HFM1: variants seen among roughly 807,000 people sequenced by gnomAD.
HFM1 encodes the protein helicase for meiosis 1, also known as probable ATP-dependent DNA helicase HFM1.
HFM1 carries 169 observed loss-of-function variants against 192.1 expected under a neutral mutation model. The observed-to-expected ratio is 0.88, with a 90% CI of 0.78 to 1.00. The LOEUF is 1.00. Among genes scored for constraint, HFM1 ranks in the 50% least tolerant of loss-of-function variants. HFM1 has a pLI of 0.00. For synonymous variants in HFM1, 525 were observed against 537.8 expected, an observed-to-expected ratio of 0.98 and a Z score of 0.33; for missense variants, 1,661 against 1,668.0, an observed-to-expected ratio of 1.00 and a Z score of 0.07.
chr1:91,355,456 C>A (rs568270887), intron 13 of HFM1, among the ~76,000 whole-genome samples: 7 of 149,664 alleles, frequency 4.7e-5, no homozygotes. Context: ...CAAGATCCAA[C>A]TACATGCTGC....
intron 20 of HFM1, among the ~76,000 whole-genome samples, chr1:91,340,379 A>C (rs575202758): frequency 6.6e-6 from 1 of 152,330 alleles, no homozygotes; most frequent in South Asian, 2.1e-4. Flanking sequence ...TTCATCAATG[A>C]AGGAGAAACA....
chr1:91,397,128 G>A (rs1352637708), intron 2 of HFM1, among the ~76,000 whole-genome samples: 1 of 152,192 alleles, frequency 6.6e-6, no homozygotes, highest in African/African-American at 2.4e-5. Context: ...TGCCAAGAAG[G>A]TTGGGGACCG....
chr1:91,334,065 C>A (rs147952315), intron 20 of HFM1, among the ~76,000 whole-genome samples: 245 of 152,150 alleles, frequency 1.6e-3, no homozygotes, highest in South Asian at 7.3e-3. Flanking sequence ...GGAAATAATG[C>A]CATTATGACG....
intron 29 of HFM1, 56 bp from the exon 30 acceptor site, chr1:91,313,551 G>A: frequency 3.3e-6 from 4 of 1,207,684 alleles, no homozygotes; most frequent in Non-Finnish European, 4.6e-6. Context: ...ATCCACATAT[G>A]AGAACACTTA....
At chr1:91,370,857 A>T (rs1660090916) in intron 13 of HFM1, among the ~76,000 whole-genome samples, 1 of 152,230 alleles carries the variant, frequency 6.6e-6, no homozygotes, top group Admixed American at 6.5e-5. Flanking sequence ...TTCCCAGCGC[A>T]AAATCTCCTT....
At chr1:91,264,034 CAA>C (rs1665433039) in intron 36 of HFM1, among the ~76,000 whole-genome samples, 1 of 152,104 alleles carries the variant, frequency 6.6e-6, no homozygotes, top group Non-Finnish European at 1.5e-5. Context: ...CTATGTCACT[CAA>C]GAGTTACAAC....
chr1:91,285,347 T>C (rs1667858931), intron 30 of HFM1, among the ~76,000 whole-genome samples: 1 of 152,210 alleles, frequency 6.6e-6, no homozygotes, highest in Non-Finnish European at 1.5e-5. Context: ...TTGAAACATT[T>C]GTTCAACTTG....
At chr1:91,367,213 C>A (rs1437509461) in intron 13 of HFM1, among the ~76,000 whole-genome samples, 1 of 152,176 alleles carries the variant, frequency 6.6e-6, no homozygotes, top group Non-Finnish European at 1.5e-5. Flanking sequence ...GCAGCAGAAA[C>A]CTCTGCAGAC....
rs1457295718 is a variant in HFM1 at position 91,266,167 on chromosome 1, C to G, written c.3884-60G>C. On this transcript the variant is annotated intron_variant, in intron 35 of 38. Coordinates refer to ENST00000370425, the MANE Select transcript of HFM1 (RefSeq NM_001017975.6). The stretch of plus-strand genomic sequence containing the variant: ...CAAGAAACAGCTGAATGAAGCTTTT[C>G]ACAAGTTCTACAACGTTCTCTCCAA... The G allele has an allele frequency of 3.0e-6, 4 of 1,344,606 alleles. No individual in the cohort carries two copies. In the South Asian group the frequency reaches 5.1e-5, roughly 17 times the overall value. 83.3% of individuals were successfully genotyped at this position (1,344,606 alleles called of 1,614,324 possible).
intron 30 of HFM1, among the ~76,000 whole-genome samples, chr1:91,311,181 G>A (rs1347510346): frequency 3.3e-5 from 5 of 152,188 alleles, no homozygotes; most frequent in Admixed American, 6.5e-5. Context: ...CTCTTGTTAC[G>A]TTTTAGCAAA....
At chr1:91,301,138 A>G (rs1303768158) in intron 30 of HFM1, among the ~76,000 whole-genome samples, 5 of 152,126 alleles carry the variant, frequency 3.3e-5, no homozygotes, top group African/African-American at 9.7e-5. Flanking sequence ...TTATACACCA[A>G]TAACAGACAA....
At chr1:91,268,687 G>A (rs1338287849) in intron 34 of HFM1, among the ~76,000 whole-genome samples, 3 of 151,934 alleles carry the variant, frequency 2.0e-5, no homozygotes, top group Non-Finnish European at 4.4e-5. Flanking sequence ...TACAGCACAC[G>A]TTTTACAAAT....
intron 36 of HFM1, among the ~76,000 whole-genome samples, chr1:91,265,109 C>T (rs1036013091): frequency 2.0e-5 from 3 of 152,164 alleles, no homozygotes; most frequent in Non-Finnish European, 4.4e-5. Flanking sequence ...CAGTCCCACT[C>T]CCTACGATTC....
intron 30 of HFM1, among the ~76,000 whole-genome samples, chr1:91,284,712 T>G (rs946532366): frequency 1.3e-5 from 2 of 152,236 alleles, no homozygotes; most frequent in Non-Finnish European, 2.9e-5. Context: ...AGAGCAGGCC[T>G]GAAAATTTTT....
rs573127151 is a variant in HFM1 at position 91,341,872 on chromosome 1, C to T, written c.2335+1558G>A. Among the ~76,000 whole-genome samples, 14 of 151,650 alleles carry T rather than the reference C, an allele frequency of 9.2e-5. No homozygotes were observed. In the East Asian group the frequency reaches 2.5e-3, roughly 27 times the overall value. On this transcript the variant is annotated intron_variant, in intron 20 of 38. Transcript: ENST00000370425. ...GGGAGATAGACTGCTGGAAACACAA[C>T]CTCCCAAGGTTGATCCAGGAAGAAA...
chr1:91,379,135 T>C lies in HFM1; in HGVS notation c.1086A>G (p.Lys362=). The change falls in exon 9 of 39, where the codon AAA becomes AAG. Residue 362 remains lysine (K), a synonymous_variant. Coordinates refer to ENST00000370425, the MANE Select transcript of HFM1 (RefSeq NM_001017975.6). ...EKFGPIGLNC[K]ELTGDTVMDD... is the part of the protein sequence containing the mutation. Reference sequence around the variant, plus strand: ...CCATTACTGTATCTCCAGTAAGTTCTTTACAATTCAATCCTATTGGTCCAA... The same window carrying C: ...CCATTACTGTATCTCCAGTAAGTTCCTTACAATTCAATCCTATTGGTCCAA... 1 of 1,608,700 alleles carries C rather than the reference T, an allele frequency of 6.2e-7. No homozygotes were observed. Among genetic ancestry groups the C allele is most frequent in the Non-Finnish European group, 8.5e-7 (1 of 1,176,770 alleles).
chr1:91,315,175 G>A (rs946605286), intron 28 of HFM1, among the ~76,000 whole-genome samples: 3 of 152,030 alleles, frequency 2.0e-5, no homozygotes, highest in Non-Finnish European at 2.9e-5. Flanking sequence ...TACAGAATAC[G>A]GACAGCACCT....
rs1466012609 is a variant in HFM1 at position 91,378,656 on chromosome 1, C to T, written c.1159-176G>A. On this transcript the variant is annotated intron_variant, in intron 9 of 38. Transcript: ENST00000370425. ...TTAAAAAATACTTAAAGAATTTTTA[C>T]AGTCTTAAAGGTATTTTTAAAACTG... Among the ~76,000 whole-genome samples, 4 of 151,910 alleles carry T rather than the reference C, an allele frequency of 2.6e-5. No individual in the cohort carries two copies. In the East Asian group the frequency reaches 7.7e-4, roughly 29 times the overall value.
At chr1:91,342,513 C>T (rs1655505499) in intron 20 of HFM1, among the ~76,000 whole-genome samples, 1 of 152,174 alleles carries the variant, frequency 6.6e-6, no homozygotes, top group Admixed American at 6.5e-5. Context: ...CAATTTATTA[C>T]ACTTAGTTCA....
Sources: allele counts gnomAD v4.1 joint callset (sites outside exome capture counted in the v4.1 genomes callset), GRCh38; gene constraint gnomAD v4.1.1; transcripts MANE v1.5; gene names NCBI Gene and HGNC (gene_info 2026-07-23, HGNC 2026-07-21).